OR51B5: variants seen among roughly 807,000 people sequenced by gnomAD.
OR51B5 encodes olfactory receptor 51B5.
For missense variants in OR51B5, 456 were observed against 374.6 expected (o/e 1.22, Z -1.79); for synonymous variants, 186 against 144.8 (o/e 1.28, Z -2.04).
chr11:5,455,545 T>C (rs1390709986), intron 1 of OR51B5: 2 of 39,562 alleles, frequency 5.1e-5, no homozygotes, highest in African/African-American at 1.7e-4. Context: ...GAGCGAGGGA[T>C]TGGGGGAGAA....
chr11:5,371,016 G>C (rs1239391611), intron 1 of OR51B5, among the ~76,000 whole-genome samples: 3 of 152,262 alleles, frequency 2.0e-5, no homozygotes, highest in African/African-American at 7.2e-5. Flanking sequence ...CATGATTGGG[G>C]CTACCCAAAG....
intron 1 of OR51B5, among the ~76,000 whole-genome samples, chr11:5,415,314 G>C (rs1220108393): frequency 8.0e-5 from 12 of 150,726 alleles, no homozygotes; most frequent in African/African-American, 2.7e-4. Context: ...ATGCCCACAA[G>C]AGAAAGCAGG....
chr11:5,476,955 A>T (rs1466099279), intron 1 of OR51B5, among the ~76,000 whole-genome samples: 1 of 152,246 alleles, frequency 6.6e-6, no homozygotes, highest in Non-Finnish European at 1.5e-5. Context: ...AGTTTCCGTT[A>T]TACAAGATGA....
intron 1 of OR51B5, among the ~76,000 whole-genome samples, chr11:5,464,500 T>A (rs1464815545): frequency 7.0e-6 from 1 of 143,484 alleles, no homozygotes; most frequent in East Asian, 2.2e-4. Flanking sequence ...TGTGATCTCA[T>A]TGTTCAGTTC....
chr11:5,457,005 A>G (rs1293668240), intron 1 of OR51B5, among the ~76,000 whole-genome samples: 1 of 152,198 alleles, frequency 6.6e-6, no homozygotes, highest in Non-Finnish European at 1.5e-5. Flanking sequence ...GCCTTCCCAG[A>G]AGCCGAGCCT....
intron 1 of OR51B5, chr11:5,403,128 C>G (rs1849998543): frequency 2.1e-6 from 1 of 471,244 alleles, no homozygotes; most frequent in Non-Finnish European, 4.4e-6. Flanking sequence ...ACAATGCCCT[C>G]TCACATTCCT....
At chr11:5,460,719 T>A (rs1426637145) in intron 1 of OR51B5, among the ~76,000 whole-genome samples, 1 of 152,238 alleles carries the variant, frequency 6.6e-6, no homozygotes, top group Non-Finnish European at 1.5e-5. Context: ...GTTCCCTTAA[T>A]CTTTGAAGTT....
Position 5,465,193 on chromosome 11 carries a change from G to A in OR51B5, n.84+40376C>T, listed in dbSNP as rs1369630850. On this transcript the variant is annotated intron_variant and non_coding_transcript_variant, in intron 1 of 4. Transcript: ENST00000415970. ...TGCACTCCAGCCTGGGCGACAGAGCGAGACTCCGTCTCAAAAAAAAAAAAA... is the reference window on the plus strand; with the variant it reads ...TGCACTCCAGCCTGGGCGACAGAGCAAGACTCCGTCTCAAAAAAAAAAAAA... 3.3e-3 allele frequency among the ~76,000 whole-genome samples: 323 copies of A among 98,808 alleles called. 1 individual carries two copies. The highest frequency in any genetic ancestry group is 9.9e-3 in the African/African-American group (249 of 25,184). 64.8% of individuals were successfully genotyped at this position (98,808 alleles called of 152,430 possible).
chr11:5,388,856 CAG>C (rs1473961906), intron 1 of OR51B5, among the ~76,000 whole-genome samples: 1 of 151,764 alleles, frequency 6.6e-6, no homozygotes, highest in Non-Finnish European at 1.5e-5. Flanking sequence ...ATTCAGTAAA[CAG>C]AAACCCTAGG....
chr11:5,390,943 T>G (rs1849785775), intron 1 of OR51B5: 1 of 153,278 alleles, frequency 6.5e-6, no homozygotes, highest in African/African-American at 2.4e-5. Context: ...CCCCCCAAAT[T>G]TCTAAGGTTG....
intron 1 of OR51B5, among the ~76,000 whole-genome samples, chr11:5,438,217 C>T (rs182980530): frequency 6.6e-6 from 1 of 152,108 alleles, no homozygotes; most frequent in Non-Finnish European, 1.5e-5. Flanking sequence ...TAAAATGACT[C>T]TAGCTATGTT....
At chr11:5,359,599 C>T (rs1281566860) in intron 1 of OR51B5, among the ~76,000 whole-genome samples, 1 of 145,882 alleles carries the variant, frequency 6.9e-6, no homozygotes, top group Admixed American at 6.9e-5. Context: ...ATGCCATCCC[C>T]ATCAAGCTAC....
In OR51B5 at chr11:5,479,757, G is replaced by C. The variant is rs1384031941; in HGVS notation, n.84+25812C>G. 2.9e-3 allele frequency among the ~76,000 whole-genome samples: 413 copies of C among 144,802 alleles called. 1 individual carries two copies. Among genetic ancestry groups the C allele is most frequent in the Middle Eastern group, 7.2e-3 (2 of 278 alleles). The allele number at this position is 144,802 out of a possible 152,430, so 95.0% of individuals were successfully genotyped here. On this transcript the variant is annotated intron_variant and non_coding_transcript_variant, in intron 1 of 4. Coordinates refer to the OR51B5 transcript ENST00000415970. ...CTTTAAACCAACAAAGATCAAAAGA[G>C]ACAAAGAAGGCCATTACATAATGGT...
At chr11:5,464,749 G>A (rs1419517678) in intron 1 of OR51B5, among the ~76,000 whole-genome samples, 12 of 152,002 alleles carry the variant, frequency 7.9e-5, no homozygotes, top group African/African-American at 2.2e-4. Context: ...ATAAACATAC[G>A]TGTGCATGTG....
intron 1 of OR51B5, among the ~76,000 whole-genome samples, chr11:5,418,434 AAAAG>A (rs1253895579): frequency 7.6e-6 from 1 of 132,310 alleles, no homozygotes; most frequent in Non-Finnish European, 1.8e-5. Flanking sequence ...AAACAAAACA[AAAAG>A]AAAAACAAAA....
In OR51B5 at chr11:5,343,112, C is replaced by CGAGTATTA; in HGVS notation, c.405_412dup (p.Arg138LeufsTer5). On this transcript the variant is annotated frameshift_variant, in exon 1 of 1. Transcript: ENST00000300773. LOFTEE classifies it low-confidence loss of function (END_TRUNC). ...AACTCCCAGCCCAATCTTCACTACT[C>CGAGTATTA]GAGTATTAGTAAGTACAGAGGTATA... 1 of 1,612,840 alleles carries CGAGTATTA rather than the reference C, an allele frequency of 6.2e-7. No individual in the cohort carries two copies. Among genetic ancestry groups the CGAGTATTA allele is most frequent in the East Asian group, 2.2e-5 (1 of 44,850 alleles).
intron 1 of OR51B5, among the ~76,000 whole-genome samples, chr11:5,448,590 AG>A (rs1850803453): frequency 1.3e-5 from 2 of 152,228 alleles, no homozygotes; most frequent in African/African-American, 2.4e-5. Flanking sequence ...AACCAAGTGG[AG>A]AACAAGTAAA....
intron 1 of OR51B5, among the ~76,000 whole-genome samples, chr11:5,432,631 G>T (rs907083435): frequency 6.6e-6 from 1 of 152,036 alleles, no homozygotes; most frequent in African/African-American, 2.4e-5. Context: ...TGTAAACTGG[G>T]GATTAAAATA....
At chr11:5,352,365 C>G (rs771823474) in intron 1 of OR51B5, 1 of 1,613,612 alleles carries the variant, frequency 6.2e-7, no homozygotes, top group South Asian at 1.1e-5. Flanking sequence ...CTTTTATGAA[C>G]CCATTTATCT....
Sources: allele counts gnomAD v4.1 joint callset (sites outside exome capture counted in the v4.1 genomes callset), GRCh38; gene constraint gnomAD v4.1.1; transcripts MANE v1.5; gene names NCBI Gene and HGNC (gene_info 2026-07-23, HGNC 2026-07-21).